FSTL4: variants seen among roughly 807,000 people sequenced by gnomAD.
FSTL4 encodes the protein follistatin like 4.
Under a neutral mutation model 78.2 loss-of-function variants are expected in FSTL4, and 28 were observed. The observed-to-expected ratio is 0.36, with a 90% confidence interval of 0.27 to 0.49. FSTL4 has a LOEUF of 0.49. FSTL4 is among the 20% of genes least tolerant of loss of function. The pLI, the probability that FSTL4 is intolerant of heterozygous loss-of-function variation, is 0.98. For synonymous variants in FSTL4, 422 were observed against 440.5 expected, an observed-to-expected ratio of 0.96 and a Z score of 0.53; for missense variants, 922 against 1,084.9, an observed-to-expected ratio of 0.85 and a Z score of 2.11.
the FSTL4 span, among the ~76,000 whole-genome samples, chr5:133,621,407 C>CACAAAAAACAAAAA: frequency 6.6e-6 from 1 of 151,902 alleles, no homozygotes. Context: ...CTCAAAAAAA[C>CACAAAAAACAAAAA]ACAAAAAACA....
At chr5:133,605,033 A>G (rs1334017273) in intron 1 of FSTL4, among the ~76,000 whole-genome samples, 2 of 152,208 alleles carry the variant, frequency 1.3e-5, no homozygotes, top group Non-Finnish European at 2.9e-5. Context: ...AGTCCAAATC[A>G]TGTGCTAAGC....
intron 3 of FSTL4, among the ~76,000 whole-genome samples, chr5:133,552,574 A>G (rs1759708366): frequency 6.6e-6 from 1 of 152,238 alleles, no homozygotes; most frequent in Non-Finnish European, 1.5e-5. Flanking sequence ...ATTCATATTG[A>G]AATATTTTTA....
chr5:133,404,695 C>T (rs750650101), intron 3 of FSTL4, among the ~76,000 whole-genome samples: 1 of 152,052 alleles, frequency 6.6e-6, no homozygotes, highest in Non-Finnish European at 1.5e-5. Flanking sequence ...TGTAATTGAG[C>T]GGTTGTGGAA....
At chr5:133,650,943 A>G in the FSTL4 span, among the ~76,000 whole-genome samples, 1 of 152,206 alleles carries the variant, frequency 6.6e-6, no homozygotes, top group Non-Finnish European at 1.5e-5. Context: ...AGTTTTCCTC[A>G]TACAGATCTT....
chr5:133,724,640 T>C, the FSTL4 span, among the ~76,000 whole-genome samples: 2 of 152,246 alleles, frequency 1.3e-5, no homozygotes, highest in East Asian at 1.9e-4. Context: ...TTCAGAAATA[T>C]GTATTGAAAA....
intron 3 of FSTL4, among the ~76,000 whole-genome samples, chr5:133,407,166 G>A (rs1756383159): frequency 6.6e-6 from 1 of 152,222 alleles, no homozygotes; most frequent in African/African-American, 2.4e-5. Context: ...CTAAAGGCTG[G>A]AGGTTTGCAG....
chr5:133,268,797 T>C (rs920974503), intron 6 of FSTL4, among the ~76,000 whole-genome samples: 7 of 152,174 alleles, frequency 4.6e-5, no homozygotes, highest in Non-Finnish European at 1.0e-4. Flanking sequence ...ACGACGCCAA[T>C]TGCAGTATTA....
chr5:133,592,865 C>A (rs1760660626), intron 2 of FSTL4, among the ~76,000 whole-genome samples: 1 of 152,174 alleles, frequency 6.6e-6, no homozygotes, highest in South Asian at 2.1e-4. Context: ...TCTTGTACAG[C>A]CTGCAGAGCC....
chr5:133,620,472 T>C, the FSTL4 span, among the ~76,000 whole-genome samples: 23 of 152,208 alleles, frequency 1.5e-4, no homozygotes, highest in Non-Finnish European at 2.2e-4. Context: ...AATTTACAGA[T>C]TGGTGAAGGT....
intron 3 of FSTL4, among the ~76,000 whole-genome samples, chr5:133,477,210 A>G (rs1474243538): frequency 1.3e-5 from 2 of 152,120 alleles, no homozygotes; most frequent in African/African-American, 4.8e-5. Flanking sequence ...AAAGAAAAAG[A>G]AAAAGCTTAA....
chr5:133,523,685 A>G (rs536298051), intron 3 of FSTL4, among the ~76,000 whole-genome samples: 1 of 152,332 alleles, frequency 6.6e-6, no homozygotes, highest in Admixed American at 6.5e-5. Context: ...GTGGAGCCTG[A>G]CACATAACAG....
At chr5:133,661,398 G>A in the FSTL4 span, among the ~76,000 whole-genome samples, 1 of 152,228 alleles carries the variant, frequency 6.6e-6, no homozygotes. Context: ...GCTTCACTCG[G>A]TGGCGGTGAG....
At chr5:133,762,949 C>A in the FSTL4 span, among the ~76,000 whole-genome samples, 1 of 152,170 alleles carries the variant, frequency 6.6e-6, no homozygotes, top group African/African-American at 2.4e-5. Flanking sequence ...CCATGGTGTC[C>A]ATTTCCTCCT....
intron 3 of FSTL4, among the ~76,000 whole-genome samples, chr5:133,405,124 C>T (rs1756326634): frequency 6.6e-6 from 1 of 152,224 alleles, no homozygotes; most frequent in Non-Finnish European, 1.5e-5. Flanking sequence ...CCATCTCAGC[C>T]AGATGTTCTG....
Position 133,201,052 on chromosome 5 carries a change from G to A in FSTL4, c.1826+881C>T, listed in dbSNP as rs749029833. ...TCTCTGCAGTGGGAGGGTTCATAAAGTGGCTTTCTTCCTTGGGTGAGGGTG... is the reference window on the plus strand; with the variant it reads ...TCTCTGCAGTGGGAGGGTTCATAAAATGGCTTTCTTCCTTGGGTGAGGGTG... On this transcript the variant is annotated intron_variant, in intron 15 of 15. Coordinates refer to ENST00000265342, the MANE Select transcript of FSTL4 (RefSeq NM_015082.2). Among the ~76,000 whole-genome samples, 18 of 152,324 alleles carry A rather than the reference G, an allele frequency of 1.2e-4. No homozygotes were observed. In the Middle Eastern group the frequency reaches 0.017, roughly 144 times the overall value.
the FSTL4 span, among the ~76,000 whole-genome samples, chr5:133,670,701 C>T: frequency 6.6e-6 from 1 of 152,280 alleles, no homozygotes; most frequent in African/African-American, 2.4e-5. Flanking sequence ...GTCTCCAGAA[C>T]AAAAAGTGCT....
At chr5:133,576,829 A>C (rs1360688109) in intron 2 of FSTL4, among the ~76,000 whole-genome samples, 2 of 152,228 alleles carry the variant, frequency 1.3e-5, no homozygotes, top group African/African-American at 4.8e-5. Context: ...TAAGTTTTTC[A>C]TATCTGAGAT....
At chr5:133,428,536 C>T (rs1329507216) in intron 3 of FSTL4, among the ~76,000 whole-genome samples, 1 of 152,188 alleles carries the variant, frequency 6.6e-6, no homozygotes, top group Non-Finnish European at 1.5e-5. Context: ...CTGCTAAGGA[C>T]ATCCTGGGCA....
At chr5:133,550,196 T>C (rs1222447417) in intron 3 of FSTL4, among the ~76,000 whole-genome samples, 1 of 152,236 alleles carries the variant, frequency 6.6e-6, no homozygotes, top group East Asian at 1.9e-4. Flanking sequence ...GTTTTATCCA[T>C]TATTTAAAAT....
Sources: gnomAD v4.1 joint callset for allele counts (sites outside exome capture counted in the v4.1 genomes callset) on GRCh38, gnomAD v4.1.1 for gene constraint, MANE v1.5 for transcripts, NCBI Gene and HGNC (gene_info 2026-07-23, HGNC 2026-07-21) for gene names.